The following SMCO4 variants were observed in gnomAD, a reference collection of about 807,000 sequenced individuals.
SMCO4 encodes the protein single-pass membrane and coiled-coil domain-containing protein 4.
In SMCO4, 4 loss-of-function variants were observed where a neutral mutation model predicts 3.6. The ratio of observed to expected loss-of-function variants is 1.11; its 90% confidence interval spans 0.54 to 2.53. The LOEUF (loss-of-function observed/expected upper bound fraction) is 2.53. SMCO4 is among the 30% of genes most tolerant of loss of function. The pLI, the probability that SMCO4 is intolerant of heterozygous loss-of-function variation, is 0.02. For synonymous variants in SMCO4, 36 were observed against 35.3 expected (o/e 1.02, Z -0.07); for missense variants, 70 against 80.8 (o/e 0.87, Z 0.51).
At chr11:93,486,697 G>A (rs974611135) in intron 2 of SMCO4, among the ~76,000 whole-genome samples, 3 of 152,136 alleles carry the variant, frequency 2.0e-5, no homozygotes, top group Non-Finnish European at 2.9e-5. Flanking sequence ...GTCACAGGCT[G>A]TTGAAGGGGT....
At chr11:93,484,726 C>T (rs1481710840) in intron 2 of SMCO4, among the ~76,000 whole-genome samples, 2 of 148,418 alleles carry the variant, frequency 1.3e-5, no homozygotes, top group South Asian at 2.1e-4. Flanking sequence ...CCATGCATGA[C>T]AAAATCCCCC....
intron 1 of SMCO4, among the ~76,000 whole-genome samples, chr11:93,510,630 C>T (rs974727359): frequency 6.6e-5 from 10 of 152,144 alleles, no homozygotes; most frequent in African/African-American, 1.9e-4. Flanking sequence ...AGGAAGCTGT[C>T]TCATGGCTGA....
chr11:93,502,324 C>T (rs1948848629), intron 1 of SMCO4, among the ~76,000 whole-genome samples: 1 of 152,038 alleles, frequency 6.6e-6, no homozygotes, highest in South Asian at 2.1e-4. Context: ...CCCCAACAGC[C>T]CTCCCCCTAC....
intron 1 of SMCO4, among the ~76,000 whole-genome samples, chr11:93,514,394 A>ATG (rs1565382964): frequency 7.8e-5 from 3 of 38,522 alleles, no homozygotes; most frequent in African/African-American, 2.6e-4. Flanking sequence ...ATATATATAT[A>ATG]TATATATATA....
intron 1 of SMCO4, among the ~76,000 whole-genome samples, chr11:93,533,287 T>C (rs184446534): frequency 5.9e-5 from 9 of 152,250 alleles, no homozygotes; most frequent in Non-Finnish European, 1.2e-4. Flanking sequence ...CCAGCAGACA[T>C]CAACCTGTGG....
chr11:93,527,805 T>A (rs559855379), intron 1 of SMCO4, among the ~76,000 whole-genome samples: 31 of 152,208 alleles, frequency 2.0e-4, no homozygotes, highest in Middle Eastern at 3.4e-3. Flanking sequence ...TAACAAAAAT[T>A]AGGTTAATAT....
intron 1 of SMCO4, among the ~76,000 whole-genome samples, chr11:93,533,040 T>C (rs1464340578): frequency 6.6e-6 from 1 of 152,184 alleles, no homozygotes; most frequent in Non-Finnish European, 1.5e-5. Context: ...GGTGCTATAC[T>C]AATCCCAGAG....
chr11:93,479,313 A>G (rs1263474064), intron 2 of SMCO4, 44 bp from the exon 3 acceptor site: 2 of 1,423,738 alleles, frequency 1.4e-6, no homozygotes, highest in African/African-American at 2.9e-5. Flanking sequence ...AACCAAATAG[A>G]AGAAAAAATA....
chr11:93,522,475 T>A (rs531652213), intron 1 of SMCO4, among the ~76,000 whole-genome samples: 22 of 152,338 alleles, frequency 1.4e-4, no homozygotes, highest in African/African-American at 4.6e-4. Flanking sequence ...AGACCTGTGG[T>A]AGCCAATTCC....
At position 93,478,947 on chromosome 11, in the gene SMCO4, TG is replaced by T. The variant is rs1948553740; in HGVS notation, c.*62del. 7 of 1,533,972 alleles carry T rather than the reference TG, an allele frequency of 4.6e-6. No homozygotes were observed. Among genetic ancestry groups the T allele is most frequent in the Middle Eastern group, 1.7e-4 (1 of 5,764 alleles). The stretch of plus-strand genomic sequence containing the variant: ...ATCTCTGAATATGAAAGCCATTTTT[TG>T]TTTGCGTCCCCCTCCCGCGCCTCCT... On this transcript the variant is annotated 3_prime_UTR_variant, in exon 3 of 3. Transcript: ENST00000298966.
chr11:93,496,906 C>G (rs1258620408), intron 2 of SMCO4, among the ~76,000 whole-genome samples: 3 of 152,090 alleles, frequency 2.0e-5, no homozygotes, highest in African/African-American at 7.2e-5. Flanking sequence ...GTCCTGGGCC[C>G]CAACGCTTAC....
intron 1 of SMCO4, among the ~76,000 whole-genome samples, chr11:93,504,350 T>C (rs964256502): frequency 6.6e-6 from 1 of 152,212 alleles, no homozygotes; most frequent in African/African-American, 2.4e-5. Context: ...GGCAGGAAGA[T>C]GATGTGGCTG....
chr11:93,521,917 A>G (rs1288380799), intron 1 of SMCO4, among the ~76,000 whole-genome samples: 2 of 152,130 alleles, frequency 1.3e-5, no homozygotes, highest in Non-Finnish European at 2.9e-5. Context: ...GTGTATTTCT[A>G]TTATGGCCTG....
intron 1 of SMCO4, among the ~76,000 whole-genome samples, chr11:93,516,169 T>C (rs1008568702): frequency 6.6e-6 from 1 of 152,154 alleles, no homozygotes; most frequent in Non-Finnish European, 1.5e-5. Flanking sequence ...ATAATTAAAA[T>C]TGTACCAAGA....
the SMCO4 span, among the ~76,000 whole-genome samples, chr11:93,551,879 T>C: frequency 1.3e-5 from 2 of 152,126 alleles, no homozygotes; most frequent in African/African-American, 2.4e-5. Context: ...ATGAAGAGCA[T>C]TGGTGTAGAA....
At chr11:93,494,307 A>G (rs1239477786) in intron 2 of SMCO4, among the ~76,000 whole-genome samples, 4 of 152,236 alleles carry the variant, frequency 2.6e-5, no homozygotes, top group African/African-American at 7.2e-5. Context: ...TAAACTTTGA[A>G]GCCAAAACAC....
Position 93,534,357 on chromosome 11 carries a change from C to CATATATAT in SMCO4, c.-154+8911_-154+8918dup, listed in dbSNP as rs574528655. 9.5e-4 allele frequency among the ~76,000 whole-genome samples: 83 copies of CATATATAT among 87,026 alleles called. 1 individual carries two copies. The highest frequency in any genetic ancestry group is 4.5e-3 in the East Asian group (11 of 2,464). 57.1% of individuals were successfully genotyped at this position (87,026 alleles called of 152,430 possible). On this transcript the variant is annotated intron_variant, in intron 1 of 2. Transcript: ENST00000298966. ...ATATATACACATATATATACACATA[C>CATATATAT]ATATATATATATATATATAGAGAGA... is the stretch of plus-strand genomic sequence containing the variant.
intron 2 of SMCO4, among the ~76,000 whole-genome samples, chr11:93,496,891 A>G (rs1009588594): frequency 6.6e-6 from 1 of 152,186 alleles, no homozygotes; most frequent in African/African-American, 2.4e-5. Context: ...GGGTGTTGGT[A>G]TCTGGTCCTG....
chr11:93,543,915 T>C (rs571871654), upstream of SMCO4, among the ~76,000 whole-genome samples: 10 of 152,350 alleles, frequency 6.6e-5, no homozygotes, highest in African/African-American at 2.2e-4. Context: ...GATCCTGACC[T>C]GGATTTGTTT....
Sources: allele counts gnomAD v4.1 joint callset (sites outside exome capture counted in the v4.1 genomes callset), GRCh38; gene constraint gnomAD v4.1.1; transcripts MANE v1.5; gene names NCBI Gene and HGNC (gene_info 2026-07-23, HGNC 2026-07-21).